The following DDAH1 variants were observed in gnomAD, a reference collection of about 807,000 sequenced individuals.
The protein encoded by DDAH1 is dimethylarginine dimethylaminohydrolase 1.
In DDAH1, 19 loss-of-function variants were observed where a neutral mutation model predicts 28.8. The observed-to-expected ratio is 0.66, with a 90% CI of 0.46 to 0.97. The LOEUF is 0.97. Among genes scored for constraint, DDAH1 ranks in the 50% least tolerant of loss-of-function variants. DDAH1 has a pLI of 0.00. For synonymous variants in DDAH1, 153 were observed against 154.4 expected (o/e 0.99, Z 0.07); for missense variants, 326 against 375.9 (o/e 0.87, Z 1.10).
chr1:85,519,573 T>C (rs1158030146), intron 1 of DDAH1, among the ~76,000 whole-genome samples: 4 of 152,020 alleles, frequency 2.6e-5, no homozygotes, highest in Non-Finnish European at 4.4e-5. Flanking sequence ...AATGATTACT[T>C]ACACGGACAA....
At chr1:85,335,381 A>AT (rs960744409) in intron 4 of DDAH1, among the ~76,000 whole-genome samples, 1 of 152,278 alleles carries the variant, frequency 6.6e-6, no homozygotes, top group East Asian at 1.9e-4. Context: ...ATTAAAAAAT[A>AT]TTTTTTTAAA....
chr1:85,514,830 C>A (rs1408372557), intron 1 of DDAH1, among the ~76,000 whole-genome samples: 1 of 152,096 alleles, frequency 6.6e-6, no homozygotes, highest in Non-Finnish European at 1.5e-5. Flanking sequence ...ATCAAAATGT[C>A]CTAAACTTAC....
chr1:85,428,580 A>C (rs1490271818), intron 1 of DDAH1, among the ~76,000 whole-genome samples: 3 of 152,124 alleles, frequency 2.0e-5, no homozygotes, highest in Non-Finnish European at 4.4e-5. Context: ...TATCAGAGAC[A>C]AACACTACTT....
At chr1:85,550,634 TGTTAGGGG>T (rs1329319182) in intron 1 of DDAH1, among the ~76,000 whole-genome samples, 1 of 152,064 alleles carries the variant, frequency 6.6e-6, no homozygotes, top group Non-Finnish European at 1.5e-5. Context: ...GCAGCATGGG[TGTTAGGGG>T]GTAAAATTAA....
At chr1:85,408,929 C>CA (rs1189415036) in intron 1 of DDAH1, among the ~76,000 whole-genome samples, 1 of 152,112 alleles carries the variant, frequency 6.6e-6, no homozygotes, top group Non-Finnish European at 1.5e-5. Flanking sequence ...ATAGAACACA[C>CA]ACGGTTCCTG....
At chr1:85,435,813 C>T (rs1010581674) in intron 1 of DDAH1, among the ~76,000 whole-genome samples, 5 of 152,074 alleles carry the variant, frequency 3.3e-5, no homozygotes, top group Admixed American at 6.6e-5. Flanking sequence ...GACAGTCTCT[C>T]TTTCTCTCTC....
chr1:85,358,878 T>C (rs369069759), intron 1 of DDAH1, 31 bp from the exon 2 acceptor site: 2 of 1,495,394 alleles, frequency 1.3e-6, no homozygotes, highest in Non-Finnish European at 1.8e-6. Context: ...CAGATTACTA[T>C]GCTACAATTT....
At chr1:85,339,844 C>T (rs540484072) in intron 4 of DDAH1, among the ~76,000 whole-genome samples, 8 of 152,302 alleles carry the variant, frequency 5.3e-5, no homozygotes, top group South Asian at 4.2e-4. Context: ...AACCCTCCTC[C>T]TTCCAGCTCA....
intron 1 of DDAH1, among the ~76,000 whole-genome samples, chr1:85,376,288 T>G (rs907388277): frequency 2.0e-5 from 3 of 152,266 alleles, no homozygotes; most frequent in Non-Finnish European, 2.9e-5. Context: ...CCGTATGGAA[T>G]TAGGCATTTA....
At chr1:85,335,330 T>C (rs866036432) in intron 4 of DDAH1, among the ~76,000 whole-genome samples, 1 of 152,114 alleles carries the variant, frequency 6.6e-6, no homozygotes, top group Non-Finnish European at 1.5e-5. Flanking sequence ...AGTGGCTGAG[T>C]GGATTAAAAA....
chr1:85,413,317 G>C (rs1186662097), intron 1 of DDAH1, among the ~76,000 whole-genome samples: 1 of 152,194 alleles, frequency 6.6e-6, no homozygotes, highest in African/African-American at 2.4e-5. Flanking sequence ...ATACACTGAA[G>C]AGCCAAAGCT....
At chr1:85,401,501 C>CTTT (rs34520534) in intron 1 of DDAH1, among the ~76,000 whole-genome samples, 1 of 103,364 alleles carries the variant, frequency 9.7e-6, no homozygotes, top group Admixed American at 1.0e-4. Context: ...TTTTTTCTTT[C>CTTT]TTTTTTTTTT....
intron 1 of DDAH1, among the ~76,000 whole-genome samples, chr1:85,461,313 T>C (rs1373905911): frequency 6.6e-6 from 1 of 152,212 alleles, no homozygotes; most frequent in Non-Finnish European, 1.5e-5. Context: ...TCACTAAAAC[T>C]TAGGCTTCCT....
upstream of DDAH1, among the ~76,000 whole-genome samples, chr1:85,470,119 G>A (rs147473242): frequency 6.6e-6 from 1 of 152,178 alleles, no homozygotes; most frequent in Admixed American, 6.5e-5. Flanking sequence ...ATAGGAGACA[G>A]GTGTTTTGAG....
chr1:85,442,810 G>C (rs1654262869), intron 1 of DDAH1, among the ~76,000 whole-genome samples: 1 of 152,104 alleles, frequency 6.6e-6, no homozygotes, highest in Admixed American at 6.5e-5. Flanking sequence ...TATGTCTGTT[G>C]GCTGCATAAA....
intron 2 of DDAH1, among the ~76,000 whole-genome samples, chr1:85,480,165 A>G (rs917093592): frequency 2.0e-5 from 3 of 152,308 alleles, no homozygotes; most frequent in Middle Eastern, 3.4e-3. Context: ...AAATTCTTCT[A>G]TGTGCCCCTG....
At chr1:85,532,076 C>T (rs1439531280) in intron 1 of DDAH1, among the ~76,000 whole-genome samples, 1 of 150,942 alleles carries the variant, frequency 6.6e-6, no homozygotes, top group East Asian at 2.0e-4. Flanking sequence ...AAACCAACTT[C>T]CTCCCGTTGA....
intron 1 of DDAH1, among the ~76,000 whole-genome samples, chr1:85,497,093 A>G (rs1163756364): frequency 6.6e-6 from 1 of 152,234 alleles, no homozygotes; most frequent in Admixed American, 6.5e-5. Context: ...AACCTAACAG[A>G]ACAGCACAAT....
chr1:85,520,432 A>G (rs1230686531), intron 1 of DDAH1, among the ~76,000 whole-genome samples: 1 of 152,226 alleles, frequency 6.6e-6, no homozygotes, highest in African/African-American at 2.4e-5. Flanking sequence ...CTACTTGTCC[A>G]TTGGTTAAGG....
Sources: allele counts gnomAD v4.1 joint callset (sites outside exome capture counted in the v4.1 genomes callset), GRCh38; gene constraint gnomAD v4.1.1; transcripts MANE v1.5; gene names NCBI Gene and HGNC (gene_info 2026-07-23, HGNC 2026-07-21).